The following DDX24 variants were observed in gnomAD, a reference collection of about 807,000 sequenced individuals.
DDX24 encodes the protein ATP-dependent RNA helicase DDX24.
A neutral mutation model predicts 68.9 loss-of-function variants in DDX24; 24 were observed. The ratio of observed to expected loss-of-function variants is 0.35; its 90% confidence interval spans 0.25 to 0.49. The LOEUF is 0.49. DDX24 is among the 20% of genes least tolerant of loss of function. The pLI, the probability that DDX24 is intolerant of heterozygous loss-of-function variation, is 0.99. For missense variants in DDX24, 989 were observed against 1,039.0 expected (o/e 0.95, Z 0.66); for synonymous variants, 395 against 385.2 (o/e 1.03, Z -0.30).
intron 3 of DDX24, among the ~76,000 whole-genome samples, chr14:94,061,616 A>T (rs1885598671): frequency 6.6e-6 from 1 of 152,230 alleles, no homozygotes; most frequent in South Asian, 2.1e-4. Context: ...CCCTTCCCAG[A>T]GTGAATTCCC....
At chr14:94,061,106 G>T in intron 3 of DDX24, 40 bp from the exon 4 acceptor site, 1 of 1,606,578 alleles carries the variant, frequency 6.2e-7, no homozygotes, top group Non-Finnish European at 8.5e-7. Context: ...ATTCAATCTG[G>T]GTGATCATTT....
intron 5 of DDX24, 144 bp from the exon 6 acceptor site, chr14:94,058,041 G>A: frequency 1.4e-6 from 1 of 740,050 alleles, no homozygotes; most frequent in Non-Finnish European, 2.1e-6. Context: ...CAGAAAAACT[G>A]AGGCTCGGAG....
intron 2 of DDX24, among the ~76,000 whole-genome samples, chr14:94,063,500 A>G (rs990858573): frequency 6.6e-6 from 1 of 152,284 alleles, no homozygotes; most frequent in African/African-American, 2.4e-5. Context: ...GAAATAATTC[A>G]CCAGCAGCAA....
At chr14:94,078,810 G>A (rs543697917) in intron 2 of DDX24, among the ~76,000 whole-genome samples, 2 of 152,286 alleles carry the variant, frequency 1.3e-5, no homozygotes, top group East Asian at 3.9e-4. Flanking sequence ...TGATAATGGG[G>A]TCTACAGAGC....
chr14:94,051,226 G>C lies in DDX24; in HGVS notation c.2545C>G (p.Pro849Ala). 1.3e-6 allele frequency: 2 copies of C among 1,584,686 alleles called. No individual in the cohort carries two copies. Among genetic ancestry groups the C allele is most frequent in the Non-Finnish European group, 1.7e-6 (2 of 1,165,864 alleles). ...KKTKKPKEPQ[P>A]EQPQPSTSAN Reference sequence around the variant, plus strand: ...CTTGTACTTGGCTGTGGCTGTTCCGGCTGTGGCTCCTTCGGCTTCTTTGTC... The same window carrying C: ...CTTGTACTTGGCTGTGGCTGTTCCGCCTGTGGCTCCTTCGGCTTCTTTGTC... Residue 849 changes from proline (P) to alanine (A), a missense_variant, in exon 9 of 9, where the codon CCG (proline) becomes GCG (alanine). Transcript: ENST00000621632.
At chr14:94,053,800 G>A (rs1383937988) in intron 7 of DDX24, among the ~76,000 whole-genome samples, 1 of 151,992 alleles carries the variant, frequency 6.6e-6, no homozygotes, top group African/African-American at 2.4e-5. Flanking sequence ...GGCAACATGA[G>A]CAAAGCTCCG....
rs559250621 is a variant in DDX24, at chr14:94,079,405, C to G, written c.338G>C (p.Ser113Thr). ...KSKNVATEGT[S>T]TQKEFEVKDP... ...TTTCACTTCAAATTCTTTCTGGGTACTGGTTCCTTCAGTTGCTACATTTTT... is the reference window on the plus strand; with the variant it reads ...TTTCACTTCAAATTCTTTCTGGGTAGTGGTTCCTTCAGTTGCTACATTTTT... Residue 113 changes from serine to threonine, a missense_variant, in exon 2 of 9, where the codon AGT (serine) becomes ACT (threonine). By Grantham distance (58) the Ser-to-Thr change is moderately conservative (BLOSUM62 1). Around this residue, in one of 3 missense-constraint regions of DDX24, gnomAD observed 295 missense variants for 263.0 expected, o/e 1.12. Transcript: ENST00000621632. The G allele has an allele frequency of 2.0e-5, 33 of 1,614,078 alleles. No homozygotes were observed. The South Asian group carries it at 3.5e-4, about 17-fold the overall frequency.
chr14:94,052,932 T>C (rs1383844616), intron 8 of DDX24, 66 bp downstream of exon 8: 2 of 1,557,484 alleles, frequency 1.3e-6, no homozygotes, highest in Non-Finnish European at 1.7e-6. Context: ...TAGAGATGGT[T>C]CCAACAAAGC....
chr14:94,077,882 AAAG>A (rs960751323), intron 2 of DDX24, among the ~76,000 whole-genome samples: 1 of 152,172 alleles, frequency 6.6e-6, no homozygotes, highest in Non-Finnish European at 1.5e-5. Context: ...AAAAAAAAAA[AAAG>A]AACATAAAAT....
intron 2 of DDX24, among the ~76,000 whole-genome samples, chr14:94,063,110 C>T (rs997801027): frequency 9.9e-5 from 15 of 152,222 alleles, no homozygotes; most frequent in African/African-American, 3.6e-4. Flanking sequence ...GTGGTCAAAA[C>T]AAAACATCTC....
At chr14:94,068,776 C>G (rs542516395) in intron 2 of DDX24, among the ~76,000 whole-genome samples, 3 of 152,208 alleles carry the variant, frequency 2.0e-5, no homozygotes, top group Non-Finnish European at 4.4e-5. Context: ...GGGTCAAAAA[C>G]AAAATCAGTT....
At chr14:94,065,114 A>C (rs1885674023) in intron 2 of DDX24, among the ~76,000 whole-genome samples, 1 of 151,790 alleles carries the variant, frequency 6.6e-6, no homozygotes, top group African/African-American at 2.4e-5. Context: ...CAGTGGTACA[A>C]TCTCAGCTCA....
chr14:94,062,010 A>G, intron 3 of DDX24, 87 bp downstream of exon 3: 1 of 1,402,322 alleles, frequency 7.1e-7, no homozygotes, highest in South Asian at 1.4e-5. Context: ...CTTACCCTAG[A>G]GGGCAGGAGC....
chr14:94,051,084 A>T lies in DDX24; in HGVS notation c.*107T>A. On this transcript the variant is annotated 3_prime_UTR_variant, in exon 9 of 9. Coordinates refer to ENST00000621632, the MANE Select transcript of DDX24 (RefSeq NM_020414.4). ...ATGGGTGTGAGTGGAAGAGAGGGAG[A>T]CTTTTTTACCTGGGGTTGGTGGTGG... 1 of 1,372,372 alleles carries T rather than the reference A, an allele frequency of 7.3e-7. No homozygotes were observed. Among genetic ancestry groups the T allele is most frequent in the Non-Finnish European group, 9.7e-7 (1 of 1,025,958 alleles). 85.0% of individuals were successfully genotyped at this position (1,372,372 alleles called of 1,614,324 possible).
At chr14:94,076,680 CAAAAAAA>C (rs35863241) in intron 2 of DDX24, among the ~76,000 whole-genome samples, 1 of 100,192 alleles carries the variant, frequency 1.0e-5, no homozygotes. Flanking sequence ...GACTCCGTCT[CAAAAAAA>C]AAAAAAAAAA....
intron 2 of DDX24, among the ~76,000 whole-genome samples, chr14:94,064,027 A>G (rs1324416254): frequency 6.6e-6 from 1 of 152,240 alleles, no homozygotes; most frequent in African/African-American, 2.4e-5. Context: ...GTATACAACA[A>G]AAAGCACAAA....
chr14:94,049,367 A>G lies in DDX24; in HGVS notation c.*1824T>C, dbSNP rs1450672803. The G allele has an allele frequency of 6.6e-6, 1 of 152,250 alleles. No individual in the cohort carries two copies. The highest frequency in any genetic ancestry group is 1.5e-5 in the Non-Finnish European group (1 of 68,046). The allele number at this position is 152,250 out of a possible 1,614,324, so 9.4% of individuals were successfully genotyped here. Reference sequence around the variant, plus strand: ...TCCCTGCCATTCTCTGATAGCTGTCAGTCAGGAGCTGACCTCACAGACGGG... The same window carrying G: ...TCCCTGCCATTCTCTGATAGCTGTCGGTCAGGAGCTGACCTCACAGACGGG... On this transcript the variant is annotated 3_prime_UTR_variant, in exon 9 of 9. Coordinates refer to ENST00000621632, the MANE Select transcript of DDX24 (RefSeq NM_020414.4).
chr14:94,078,659 T>C (rs773441441), intron 2 of DDX24, among the ~76,000 whole-genome samples: 1 of 152,196 alleles, frequency 6.6e-6, no homozygotes, highest in Non-Finnish European at 1.5e-5. Flanking sequence ...CCTTACCCCT[T>C]TGAGCTATTT....
intron 2 of DDX24, 84 bp from the exon 3 acceptor site, chr14:94,062,705 A>G: frequency 1.3e-6 from 2 of 1,500,098 alleles, no homozygotes; most frequent in Non-Finnish European, 1.8e-6. Context: ...ATTCTTTTGC[A>G]TAGAATAAGG....
Sources: gnomAD v4.1 joint callset for allele counts (sites outside exome capture counted in the v4.1 genomes callset) on GRCh38, gnomAD v4.1.1 for gene constraint, gnomAD v4.1.1 regional missense constraint, MANE v1.5 for transcripts, NCBI Gene and HGNC (gene_info 2026-07-23, HGNC 2026-07-21) for gene names.